The following RIPOR3 variants were observed in gnomAD, a reference collection of about 807,000 sequenced individuals.
The protein encoded by RIPOR3 is family with sequence similarity 65 member C.
A neutral mutation model predicts 114.3 loss-of-function variants in RIPOR3; 95 were observed. That is an observed-to-expected ratio of 0.83 (90% CI 0.70 to 0.99). The LOEUF (loss-of-function observed/expected upper bound fraction) is 0.99. RIPOR3 is among the 50% of genes least tolerant of loss of function. The probability of loss-of-function intolerance (pLI) is 0.00; values close to 1 mark genes in which losing one functional copy is unlikely to be tolerated. For synonymous variants in RIPOR3, 575 were observed against 543.8 expected (o/e 1.06, Z -0.80); for missense variants, 1,252 against 1,266.9 (o/e 0.99, Z 0.18).
rs746427240 is a variant in RIPOR3, at chr20:50,594,506, A to G, written c.2212+47T>C. The stretch of plus-strand genomic sequence containing the variant: ...CCACCCTGAAGGCCCTGGAGACTCA[A>G]TACAGCCTTTCTGTGGGAGGGGACG... On this transcript the variant is annotated intron_variant, in intron 17 of 21. Coordinates refer to ENST00000327979, the MANE Select transcript of RIPOR3 (RefSeq NM_001290268.2). The G allele has an allele frequency of 3.1e-6, 5 of 1,591,300 alleles. No homozygotes were observed. The Admixed American group carries it at 5.1e-5, about 16-fold the overall frequency.
intron 11 of RIPOR3, among the ~76,000 whole-genome samples, chr20:50,605,566 C>T (rs950952832): frequency 3.3e-5 from 5 of 152,034 alleles, no homozygotes; most frequent in Admixed American, 1.3e-4. Context: ...CTCAGGAGTT[C>T]GAGACCAGCC....
chr20:50,655,375 G>A (rs950726127), intron 1 of RIPOR3, among the ~76,000 whole-genome samples: 4 of 152,164 alleles, frequency 2.6e-5, no homozygotes, highest in African/African-American at 4.8e-5. Flanking sequence ...CCTGCCCAGC[G>A]CCCCAGGGCA....
rs772195155 is a variant in RIPOR3, at chr20:50,593,189, G to A, written c.2220C>T (p.Arg740=). Residue 740 remains arginine (R), a synonymous_variant, in exon 18 of 22, where the codon CGC becomes CGT. Coordinates refer to ENST00000327979, the MANE Select transcript of RIPOR3 (RefSeq NM_001290268.2). ...KYPGQLEIAC[R]RLLEQVVSCG... ...AGCTGACCACCTGCTCCAGGAGCCT[G>A]CGGCACGCTGGCCAAAGGGGAGAGT... 1 of 1,612,180 alleles carries A rather than the reference G, an allele frequency of 6.2e-7. No individual in the cohort carries two copies. The highest frequency in any genetic ancestry group is 1.1e-5 in the South Asian group (1 of 91,052).
In RIPOR3 at chr20:50,589,712, C is replaced by G. The variant is rs1423183695; in HGVS notation, c.2635G>C (p.Ala879Pro). The G allele has an allele frequency of 6.2e-7, 1 of 1,613,646 alleles. No individual in the cohort carries two copies. The highest frequency in any genetic ancestry group is 8.5e-7 in the Non-Finnish European group (1 of 1,179,720). The change falls in exon 20 of 22, where the codon GCA becomes CCA. Residue 879 changes from alanine (A) to proline (P), a missense_variant. Ala to Pro is a conservative substitution (Grantham distance 27). Transcript: ENST00000327979. ...AENDARLQQAACLALKHLKGI... is the reference protein window; with the variant it reads ...AENDARLQQAPCLALKHLKGI... ...TTGAGGTGTTTGAGCGCTAGGCATG[C>G]GGCCTGCTGGAGCCTTGCGTCGTTC... is the stretch of plus-strand genomic sequence containing the variant.
intron 1 of RIPOR3, among the ~76,000 whole-genome samples, chr20:50,670,152 C>G (rs1347868624): frequency 7.0e-6 from 1 of 142,548 alleles, no homozygotes; most frequent in East Asian, 2.0e-4. Context: ...AGCAGAAACT[C>G]CATCTCAAAA....
chr20:50,657,999 A>G (rs2085871973), intron 1 of RIPOR3, among the ~76,000 whole-genome samples: 1 of 151,952 alleles, frequency 6.6e-6, no homozygotes, highest in Admixed American at 6.6e-5. Flanking sequence ...TCCTGGGCTC[A>G]AGTGCTCCTC....
intron 1 of RIPOR3, among the ~76,000 whole-genome samples, chr20:50,672,905 G>A (rs766633053): frequency 9.2e-5 from 14 of 152,198 alleles, no homozygotes; most frequent in Admixed American, 2.0e-4. Flanking sequence ...CCACAGGTGC[G>A]GGGACTGCTT....
chr20:50,618,718 G>A (rs369186103), intron 3 of RIPOR3, among the ~76,000 whole-genome samples: 2 of 152,204 alleles, frequency 1.3e-5, no homozygotes, highest in East Asian at 1.9e-4. Flanking sequence ...CAGCTCCACA[G>A]GAGGTAGGGA....
At chr20:50,611,303 C>T in intron 4 of RIPOR3, 99 bp from the exon 5 acceptor site, 4 of 1,522,176 alleles carry the variant, frequency 2.6e-6, no homozygotes, top group Non-Finnish European at 3.6e-6. Flanking sequence ...AGCTCAGAGT[C>T]AGAGGACAGA....
intron 4 of RIPOR3, chr20:50,614,646 A>C (rs1368202697): frequency 1.2e-5 from 2 of 170,422 alleles, no homozygotes; most frequent in Non-Finnish European, 2.9e-5. Flanking sequence ...AATACAGGAC[A>C]CCTAATTAAA....
At chr20:50,641,180 G>A (rs2085179453) in intron 1 of RIPOR3, among the ~76,000 whole-genome samples, 1 of 151,864 alleles carries the variant, frequency 6.6e-6, no homozygotes, top group Admixed American at 6.6e-5. Context: ...CAAAGTGCTG[G>A]GATTACAGGC....
intron 14 of RIPOR3, among the ~76,000 whole-genome samples, chr20:50,596,753 C>T (rs2083305024): frequency 1.3e-5 from 2 of 152,208 alleles, no homozygotes; most frequent in Middle Eastern, 3.2e-3. Context: ...ACACCGCACT[C>T]GTCCGTGGGA....
chr20:50,652,998 C>G (rs956351162), intron 1 of RIPOR3, among the ~76,000 whole-genome samples: 1 of 152,170 alleles, frequency 6.6e-6, no homozygotes, highest in African/African-American at 2.4e-5. Context: ...CACGCAAAAC[C>G]CATACACAGA....
intron 1 of RIPOR3, among the ~76,000 whole-genome samples, chr20:50,644,558 A>G (rs572279027): frequency 1.1e-4 from 17 of 151,612 alleles, no homozygotes; most frequent in Non-Finnish European, 1.5e-5. Flanking sequence ...ATCTTGGCTC[A>G]CTGCTACCTC....
At chr20:50,589,576 G>T (rs758355610) in intron 20 of RIPOR3, 110 bp downstream of exon 20, 3 of 1,172,382 alleles carry the variant, frequency 2.6e-6, no homozygotes, top group Admixed American at 2.1e-5. Context: ...GATTACAGGC[G>T]TGAGCCATCA....
chr20:50,690,620 G>C (rs2123664974), intron 1 of RIPOR3, among the ~76,000 whole-genome samples: 1 of 152,296 alleles, frequency 6.6e-6, no homozygotes, highest in South Asian at 2.1e-4. Flanking sequence ...GGGTGTACAG[G>C]AGAGTTTAGC....
intron 1 of RIPOR3, among the ~76,000 whole-genome samples, chr20:50,654,294 G>C (rs1470006786): frequency 1.3e-5 from 2 of 151,246 alleles, no homozygotes; most frequent in Non-Finnish European, 2.9e-5. Context: ...AGCCTCCCAA[G>C]TAGTTGGCAC....
intron 3 of RIPOR3, among the ~76,000 whole-genome samples, chr20:50,619,384 T>G (rs2084308059): frequency 6.8e-6 from 1 of 147,686 alleles, no homozygotes; most frequent in Non-Finnish European, 1.5e-5. Context: ...GAGGTTGCAG[T>G]GAGCTGAGAT....
chr20:50,690,691 C>T (rs142134491), intron 1 of RIPOR3, among the ~76,000 whole-genome samples: 1 of 152,260 alleles, frequency 6.6e-6, no homozygotes, highest in African/African-American at 2.4e-5. Flanking sequence ...GCTGTGTGAC[C>T]TCAGCAAGTC....
Sources: allele counts gnomAD v4.1 joint callset (sites outside exome capture counted in the v4.1 genomes callset), GRCh38; gene constraint gnomAD v4.1.1; transcripts MANE v1.5; gene names NCBI Gene and HGNC (gene_info 2026-07-23, HGNC 2026-07-21).